DAB2IP: variants seen among roughly 807,000 people sequenced by gnomAD.
DAB2IP encodes disabled homolog 2-interacting protein.
A neutral mutation model predicts 107.2 loss-of-function variants in DAB2IP; 28 were observed. That is an observed-to-expected ratio of 0.26 (90% CI 0.19 to 0.36). DAB2IP has a LOEUF of 0.36. DAB2IP is among the 10% of genes least tolerant of loss of function. The pLI, the probability that DAB2IP is intolerant of heterozygous loss-of-function variation, is 1.00. For synonymous variants in DAB2IP, 755 were observed against 706.4 expected, an observed-to-expected ratio of 1.07 and a Z score of -1.09; for missense variants, 1,400 against 1,644.7, an observed-to-expected ratio of 0.85 and a Z score of 2.57.
Position 121,698,672 on chromosome 9 carries a change from G to C in DAB2IP, c.229-653G>C, listed in dbSNP as rs1829556747. 6.6e-6 allele frequency among the ~76,000 whole-genome samples: 1 copy of C among 152,176 alleles called. No individual in the cohort carries two copies. The highest frequency in any genetic ancestry group is 2.4e-5 in the African/African-American group (1 of 41,450). ...CCCACCCTGACATCAAGCTACTGCC[G>C]CTCTGGGAAGGAAAGTCGCCCGGAA... On this transcript the variant is annotated intron_variant, in intron 2 of 15. Transcript: ENST00000408936. This position sits in a 1 kb window ranked among gnomAD's most constrained non-coding sequence, Gnocchi z 4.1.
chr9:121,580,687 C>A (rs1830171989), intron 1 of DAB2IP, among the ~76,000 whole-genome samples: 1 of 151,996 alleles, frequency 6.6e-6, no homozygotes, highest in Admixed American at 6.6e-5. Context: ...TCCAGTGGCG[C>A]AATCTCAGCT....
intron 1 of DAB2IP, among the ~76,000 whole-genome samples, chr9:121,671,337 A>AAAC (rs913052402): frequency 6.6e-6 from 1 of 152,136 alleles, no homozygotes; most frequent in Non-Finnish European, 1.5e-5. Flanking sequence ...CTCCATCTCA[A>AAAC]AACAACAACA....
chr9:121,630,964 C>T (rs1173405023), intron 1 of DAB2IP, among the ~76,000 whole-genome samples: 1 of 152,212 alleles, frequency 6.6e-6, no homozygotes, highest in Non-Finnish European at 1.5e-5. Context: ...CTTACTAGAG[C>T]CCAAAGGGCC....
chr9:121,710,621 T>G (rs546297353), intron 3 of DAB2IP, among the ~76,000 whole-genome samples: 1 of 152,196 alleles, frequency 6.6e-6, no homozygotes, highest in Non-Finnish European at 1.5e-5. Context: ...GGGTCGTGGC[T>G]AGGCTAAGTG....
At chr9:121,602,873 C>T (rs1306683382) in intron 1 of DAB2IP, among the ~76,000 whole-genome samples, 2 of 152,168 alleles carry the variant, frequency 1.3e-5, no homozygotes, top group African/African-American at 2.4e-5. Context: ...CCGCGCCTGG[C>T]CAATTTTTTA....
chr9:121,676,081 G>A (rs1243114993), intron 1 of DAB2IP, among the ~76,000 whole-genome samples: 1 of 152,248 alleles, frequency 6.6e-6, no homozygotes, highest in Non-Finnish European at 1.5e-5. Flanking sequence ...TTCTGGAAGA[G>A]GCGCCTGGGG....
chr9:121,628,841 G>T (rs1292573129), intron 1 of DAB2IP, among the ~76,000 whole-genome samples: 1 of 152,198 alleles, frequency 6.6e-6, no homozygotes, highest in Non-Finnish European at 1.5e-5. Flanking sequence ...TGACTCTGTT[G>T]TTACCAGCTG....
At chr9:121,738,146 G>C (rs565925232) in intron 3 of DAB2IP, among the ~76,000 whole-genome samples, 2 of 152,320 alleles carry the variant, frequency 1.3e-5, no homozygotes, top group African/African-American at 4.8e-5. Flanking sequence ...CCTGGCTGCT[G>C]ACCTAGGCTC....
At chr9:121,666,731 T>C (rs977624886) in intron 1 of DAB2IP, among the ~76,000 whole-genome samples, 4 of 152,118 alleles carry the variant, frequency 2.6e-5, no homozygotes, top group African/African-American at 4.8e-5. Flanking sequence ...AACCTGCACG[T>C]TCTGCACATG....
intron 1 of DAB2IP, among the ~76,000 whole-genome samples, chr9:121,659,303 T>C (rs1331283754): frequency 1.3e-5 from 2 of 152,234 alleles, no homozygotes; most frequent in African/African-American, 2.4e-5. Context: ...TCTATCCATT[T>C]ACACCTCTAT....
intron 3 of DAB2IP, among the ~76,000 whole-genome samples, chr9:121,734,853 T>A (rs748596552): frequency 6.6e-6 from 1 of 152,240 alleles, no homozygotes; most frequent in Non-Finnish European, 1.5e-5. Flanking sequence ...ATTTCATCTA[T>A]AAAGTGGTCA....
chr9:121,736,768 C>A lies in DAB2IP; in HGVS notation c.363-20245C>A, dbSNP rs1025614405. ...GACCAGCTTGAAAAATGCATTCATT[C>A]ATTCAGTACATCTGTCGAGTGTCTA... On this transcript the variant is annotated intron_variant, in intron 3 of 15. Transcript: ENST00000408936. This position sits in a 1 kb window ranked among gnomAD's most constrained non-coding sequence, Gnocchi z 4.6. Among the ~76,000 whole-genome samples, 1 of 152,242 alleles carries A rather than the reference C, an allele frequency of 6.6e-6. No individual in the cohort carries two copies. The highest frequency in any genetic ancestry group is 1.5e-5 in the Non-Finnish European group (1 of 68,036).
At chr9:121,761,277 G>GGGT (rs1833870606) in intron 6 of DAB2IP, among the ~76,000 whole-genome samples, 1 of 152,216 alleles carries the variant, frequency 6.6e-6, no homozygotes, top group Admixed American at 6.5e-5. Flanking sequence ...TGGCCAAAGA[G>GGGT]GGTGGGAAAA....
Position 121,768,413 on chromosome 9 carries a change from C to T in DAB2IP, c.1698-19C>T. On this transcript the variant is annotated intron_variant, in intron 9 of 15. Transcript: ENST00000408936. ...CCTGCCTGGGCCCAGTAGTGCTCAC[C>T]CAACTGCCCTCTCTCCAGATTTGGC... The T allele has an allele frequency of 6.2e-7, 1 of 1,613,862 alleles. No homozygotes were observed. Among genetic ancestry groups the T allele is most frequent in the South Asian group, 1.1e-5 (1 of 91,054 alleles).
chr9:121,672,891 G>C (rs1833737871), intron 1 of DAB2IP, among the ~76,000 whole-genome samples: 1 of 152,194 alleles, frequency 6.6e-6, no homozygotes, highest in Non-Finnish European at 1.5e-5. Flanking sequence ...GGACCATGAG[G>C]CCAGGCCTCC....
intron 3 of DAB2IP, among the ~76,000 whole-genome samples, chr9:121,717,218 G>A (rs546438931): frequency 1.5e-4 from 23 of 152,294 alleles, no homozygotes; most frequent in African/African-American, 5.1e-4. Context: ...CTAAGTGGTG[G>A]GACTTCGGGT....
At chr9:121,771,578 C>T (rs1197038135) in intron 11 of DAB2IP, among the ~76,000 whole-genome samples, 2 of 152,086 alleles carry the variant, frequency 1.3e-5, no homozygotes, top group East Asian at 3.9e-4. Flanking sequence ...TGAAGACAAG[C>T]AGAGTCACAT....
At chr9:121,660,615 T>C (rs1235674068) in intron 1 of DAB2IP, among the ~76,000 whole-genome samples, 1 of 152,152 alleles carries the variant, frequency 6.6e-6, no homozygotes, top group Non-Finnish European at 1.5e-5. Context: ...AGTGCTGGGC[T>C]CCTGCCACGA....
chr9:121,589,707 C>A (rs866765537), intron 1 of DAB2IP, among the ~76,000 whole-genome samples: 34 of 152,244 alleles, frequency 2.2e-4, no homozygotes, highest in South Asian at 2.1e-4. Context: ...GACTTAGGCA[C>A]GTGGAGAATC....
Sources: allele counts gnomAD v4.1 joint callset (sites outside exome capture counted in the v4.1 genomes callset), GRCh38; gene constraint gnomAD v4.1.1; non-coding constraint Gnocchi (gnomAD v3.1); transcripts MANE v1.5; gene names NCBI Gene and HGNC (gene_info 2026-07-23, HGNC 2026-07-21).